The following KIF26B variants were observed in gnomAD, a reference collection of about 807,000 sequenced individuals.
KIF26B encodes the protein kinesin family member 26B.
KIF26B carries 63 observed loss-of-function variants against 151.2 expected under a neutral mutation model. The observed-to-expected ratio is 0.42, with a 90% CI of 0.34 to 0.51. KIF26B has a LOEUF of 0.51. Ranked by LOEUF, KIF26B falls within the 20% of genes least tolerant of loss-of-function variation. The probability of loss-of-function intolerance (pLI) is 0.07; values close to 1 mark genes in which losing one functional copy is unlikely to be tolerated. For synonymous variants in KIF26B, 1,357 were observed against 1,262.1 expected (o/e 1.08, Z -1.59); for missense variants, 2,813 against 2,913.6 (o/e 0.97, Z 0.79).
At chr1:245,469,434 G>C (rs764070504) in intron 4 of KIF26B, among the ~76,000 whole-genome samples, 2 of 152,222 alleles carry the variant, frequency 1.3e-5, no homozygotes, top group Non-Finnish European at 2.9e-5. Flanking sequence ...TATAAAAAAA[G>C]ATGGGGGTTA....
intron 9 of KIF26B, chr1:245,614,888 AAAAT>A (rs2043570298): frequency 1.3e-5 from 1 of 78,446 alleles, no homozygotes; most frequent in African/African-American, 6.0e-5. Context: ...GCAGACCTTT[AAAAT>A]CGGATAGGGA....
chr1:245,494,449 A>G (rs1660470909), intron 4 of KIF26B, among the ~76,000 whole-genome samples: 1 of 152,220 alleles, frequency 6.6e-6, no homozygotes, highest in East Asian at 1.9e-4. Flanking sequence ...ACAAAATCTC[A>G]GTGAGCTCAG....
intron 2 of KIF26B, among the ~76,000 whole-genome samples, chr1:245,157,550 G>C (rs1159118598): frequency 6.6e-6 from 1 of 152,206 alleles, no homozygotes; most frequent in Non-Finnish European, 1.5e-5. Context: ...TAGGCGTTTA[G>C]GAATGACTGC....
rs1289865308 is a variant in KIF26B at position 245,708,834 on chromosome 1, T to C, written c.*6228T>C. The C allele has an allele frequency of 1.3e-5, 2 of 152,218 alleles. No homozygotes were observed. Among genetic ancestry groups the C allele is most frequent in the Non-Finnish European group, 2.9e-5 (2 of 68,034 alleles). The allele number at this position is 152,218 out of a possible 1,614,324, so 9.4% of individuals were successfully genotyped here. On this transcript the variant is annotated 3_prime_UTR_variant, in exon 15 of 15. Transcript: ENST00000407071. ...GATTAGTAATGTATGTATGTGTATATAAATATGCTTATCTGTAGAAATGGG... is the reference window on the plus strand; with the variant it reads ...GATTAGTAATGTATGTATGTGTATACAAATATGCTTATCTGTAGAAATGGG...
chr1:245,334,530 C>T (rs1672183465), intron 2 of KIF26B, among the ~76,000 whole-genome samples: 1 of 152,190 alleles, frequency 6.6e-6, no homozygotes, highest in Non-Finnish European at 1.5e-5. Context: ...CTTGGATGCA[C>T]AGGAAGGTTG....
At chr1:245,632,119 T>C (rs2043787311) in intron 9 of KIF26B, among the ~76,000 whole-genome samples, 1 of 152,138 alleles carries the variant, frequency 6.6e-6, no homozygotes, top group Non-Finnish European at 1.5e-5. Flanking sequence ...TTGAGATGCA[T>C]CATTCGGTTG....
chr1:245,156,422 C>T lies in KIF26B; in HGVS notation c.204C>T (p.Thr68=). The T allele has an allele frequency of 1.3e-6, 2 of 1,530,250 alleles. No homozygotes were observed. Among genetic ancestry groups the T allele is most frequent in the South Asian group, 1.2e-5 (1 of 82,976 alleles). 94.8% of individuals were successfully genotyped at this position (1,530,250 alleles called of 1,614,324 possible). ...GCTCAGCGCTCGGCTCCTCGGGGAC[C>T]CCGTCTCCCGGCTCGGGCACCTCGT... ...GAGSALGSSG[T]PSPGSGTSSP... is the part of the protein sequence containing the mutation. Residue 68 remains threonine, a synonymous_variant, in exon 2 of 15, where the codon ACC becomes ACT. Transcript: ENST00000407071.
At chr1:245,257,384 T>C (rs1381764885) in intron 2 of KIF26B, among the ~76,000 whole-genome samples, 1 of 152,188 alleles carries the variant, frequency 6.6e-6, no homozygotes, top group African/African-American at 2.4e-5. Flanking sequence ...TCAGAATAAG[T>C]CTCTTCAAAC....
At chr1:245,661,362 TC>T (rs1374596981) in intron 10 of KIF26B, among the ~76,000 whole-genome samples, 1 of 152,032 alleles carries the variant, frequency 6.6e-6, no homozygotes, top group Non-Finnish European at 1.5e-5. Flanking sequence ...TGGAATTTGT[TC>T]CTTTTGAGCC....
chr1:245,471,288 G>A (rs1037810817), intron 4 of KIF26B, among the ~76,000 whole-genome samples: 7 of 151,722 alleles, frequency 4.6e-5, no homozygotes, highest in African/African-American at 1.2e-4. Context: ...GCACCACCAC[G>A]CCCAGCTAAT....
At chr1:245,303,747 C>T (rs1671486805) in intron 2 of KIF26B, among the ~76,000 whole-genome samples, 1 of 152,224 alleles carries the variant, frequency 6.6e-6, no homozygotes, top group Admixed American at 6.5e-5. Flanking sequence ...AGAGCAAACA[C>T]TGATAAAATA....
At chr1:245,571,624 C>A (rs1253031836) in intron 5 of KIF26B, among the ~76,000 whole-genome samples, 2 of 152,198 alleles carry the variant, frequency 1.3e-5, no homozygotes, top group Non-Finnish European at 1.5e-5. Flanking sequence ...GCCTTCCTCA[C>A]GATTTTAGAA....
At chr1:245,160,083 C>T (rs1159081949) in intron 2 of KIF26B, among the ~76,000 whole-genome samples, 5 of 152,118 alleles carry the variant, frequency 3.3e-5, no homozygotes, top group Admixed American at 1.3e-4. Context: ...TCAAGACTGG[C>T]GTGTAGAAGT....
chr1:245,698,297 G>T lies in KIF26B; in HGVS notation c.6016G>T (p.Gly2006Cys). The change falls in exon 13 of 15, where the codon GGT becomes TGT. Residue 2006 changes from glycine (G) to cysteine (C), a missense_variant. Transcript: ENST00000407071. This position sits in a 1 kb window ranked among gnomAD's most constrained non-coding sequence, Gnocchi z 4.0. ...GGAGCGCCTGCAGCGGCGACGAGGGGGTGCCAGCAAGGTGAGGCAGCCTCC... is the reference window on the plus strand; with the variant it reads ...GGAGCGCCTGCAGCGGCGACGAGGGTGTGCCAGCAAGGTGAGGCAGCCTCC... ...DVERLQRRRG[G>C]ASKEAMCFNA... 1 of 1,613,298 alleles carries T rather than the reference G, an allele frequency of 6.2e-7. No homozygotes were observed. Among genetic ancestry groups the T allele is most frequent in the Non-Finnish European group, 8.5e-7 (1 of 1,179,802 alleles).
At chr1:245,274,145 A>G (rs567355594) in intron 2 of KIF26B, among the ~76,000 whole-genome samples, 23 of 152,322 alleles carry the variant, frequency 1.5e-4, no homozygotes, top group African/African-American at 5.3e-4. Flanking sequence ...TTTTCTGCAC[A>G]CTTTGTTATT....
chr1:245,249,024 A>T (rs1039058507), intron 2 of KIF26B, among the ~76,000 whole-genome samples: 4 of 152,220 alleles, frequency 2.6e-5, no homozygotes, highest in Non-Finnish European at 4.4e-5. Flanking sequence ...TAGCTGAGTA[A>T]GGCAGGGGGC....
chr1:245,601,303 G>GC lies in KIF26B; in HGVS notation c.1351-1273dup, dbSNP rs2043393594. Among the ~76,000 whole-genome samples, 1 of 152,376 alleles carries GC rather than the reference G, an allele frequency of 6.6e-6. No homozygotes were observed. Among genetic ancestry groups the GC allele is most frequent in the East Asian group, 1.9e-4 (1 of 5,192 alleles). On this transcript the variant is annotated intron_variant, in intron 5 of 14. Coordinates refer to ENST00000407071, the MANE Select transcript of KIF26B (RefSeq NM_018012.4). This position sits in a 1 kb window ranked among gnomAD's most constrained non-coding sequence, Gnocchi z 4.4. ...GTGCCCTTGGGATTCTTTACCTTCAGCTTTGCTCACTGCAGATTAGTCCTC... is the reference window on the plus strand; with the variant it reads ...GTGCCCTTGGGATTCTTTACCTTCAGCCTTTGCTCACTGCAGATTAGTCCTC...
At chr1:245,447,271 T>A (rs1659269506) in intron 4 of KIF26B, among the ~76,000 whole-genome samples, 1 of 152,208 alleles carries the variant, frequency 6.6e-6, no homozygotes, top group Non-Finnish European at 1.5e-5. Context: ...GACTCATGGG[T>A]AATGGTCTAG....
intron 2 of KIF26B, among the ~76,000 whole-genome samples, chr1:245,287,410 C>T (rs1451731749): frequency 4.0e-5 from 6 of 149,848 alleles, no homozygotes; most frequent in African/African-American, 9.8e-5. Context: ...TATATAAATG[C>T]GTTTTTTTCT....
Sources: gnomAD v4.1 joint callset for allele counts (sites outside exome capture counted in the v4.1 genomes callset) on GRCh38, gnomAD v4.1.1 for gene constraint, Gnocchi (gnomAD v3.1) non-coding constraint, MANE v1.5 for transcripts, NCBI Gene and HGNC (gene_info 2026-07-23, HGNC 2026-07-21) for gene names.